Variants in GNG7 observed in about 807,000 individuals in gnomAD.
The protein encoded by GNG7 is G protein subunit gamma 7, also known as guanine nucleotide-binding protein G(I)/G(S)/G(O) subunit gamma-7.
Under a neutral mutation model 4.0 loss-of-function variants are expected in GNG7, and 1 was observed. That is an observed-to-expected ratio of 0.25 (90% CI 0.09 to 1.18). The LOEUF is 1.18. GNG7 is among the 50% of genes most tolerant of loss of function. The probability of loss-of-function intolerance (pLI) is 0.50; values close to 1 mark genes in which losing one functional copy is unlikely to be tolerated. For missense variants in GNG7, 86 were observed against 91.9 expected, an observed-to-expected ratio of 0.94 and a Z score of 0.26; for synonymous variants, 34 against 36.9, an observed-to-expected ratio of 0.92 and a Z score of 0.29.
intron 1 of GNG7, chr19:2,701,405 C>T (rs1475650287): frequency 6.6e-6 from 1 of 151,556 alleles, no homozygotes; most frequent in African/African-American, 2.4e-5. Context: ...ACTAACTCAC[C>T]CCAACTTCCT....
chr19:2,556,314 C>T (rs988005083), intron 2 of GNG7, among the ~76,000 whole-genome samples: 1 of 152,174 alleles, frequency 6.6e-6, no homozygotes, highest in African/African-American at 2.4e-5. Flanking sequence ...GCTTGCCCGG[C>T]GAGGTCAGCA....
intron 2 of GNG7, among the ~76,000 whole-genome samples, chr19:2,594,004 C>G (rs1467287109): frequency 6.7e-6 from 1 of 148,924 alleles, no homozygotes; most frequent in East Asian, 2.0e-4. Context: ...TACTTTAAAA[C>G]AAACATGAGG....
At chr19:2,575,574 G>GACACGCAGGC (rs1568249810) in intron 2 of GNG7, among the ~76,000 whole-genome samples, 4 of 73,364 alleles carry the variant, frequency 5.5e-5, no homozygotes. Flanking sequence ...GGCACACGCA[G>GACACGCAGGC]ACACGCAGGC....
At chr19:2,520,080 T>C (rs893646937) in intron 4 of GNG7, among the ~76,000 whole-genome samples, 6 of 151,264 alleles carry the variant, frequency 4.0e-5, no homozygotes, top group African/African-American at 9.7e-5. Flanking sequence ...ATTTGGGAGG[T>C]TGAGGCAGAA....
intron 3 of GNG7, among the ~76,000 whole-genome samples, chr19:2,553,946 A>G (rs1270141240): frequency 1.4e-5 from 2 of 141,002 alleles, no homozygotes; most frequent in Non-Finnish European, 3.0e-5. Flanking sequence ...GTAATATATT[A>G]TATGTAATAT....
At chr19:2,643,290 C>G (rs7246938) in intron 2 of GNG7, 7 of 429,946 alleles carry the variant, frequency 1.6e-5, no homozygotes, top group Non-Finnish European at 3.2e-5. Flanking sequence ...CCATGTGCAC[C>G]GGAAATGCAA....
chr19:2,626,630 G>C lies in GNG7; in HGVS notation c.-78+19594C>G, dbSNP rs534933255. On this transcript the variant is annotated intron_variant, in intron 2 of 4. Coordinates refer to ENST00000382159, the MANE Select transcript of GNG7 (RefSeq NM_052847.3). The surrounding 1 kb of genome is among the most constrained non-coding windows in gnomAD (Gnocchi z 5.0). ...CCCTGAATTCCCGAACAAAGCTCCT[G>C]GTGTGGGCACCTGCTTTCACTCTTG... Among the ~76,000 whole-genome samples, 1 of 152,244 alleles carries C rather than the reference G, an allele frequency of 6.6e-6. No homozygotes were observed. The highest frequency in any genetic ancestry group is 1.5e-5 in the Non-Finnish European group (1 of 68,018).
chr19:2,530,627 C>T (rs764757802), intron 3 of GNG7, among the ~76,000 whole-genome samples: 3 of 150,744 alleles, frequency 2.0e-5, no homozygotes, highest in South Asian at 2.1e-4. Flanking sequence ...GGCTGAGGTA[C>T]AACAATCACT....
At chr19:2,587,747 A>G (rs1164608402) in intron 2 of GNG7, among the ~76,000 whole-genome samples, 1 of 152,104 alleles carries the variant, frequency 6.6e-6, no homozygotes, top group Non-Finnish European at 1.5e-5. Flanking sequence ...AGGCTGAGGC[A>G]GGAGAATCAC....
chr19:2,682,948 C>T (rs1019047147), intron 1 of GNG7, among the ~76,000 whole-genome samples: 1 of 151,754 alleles, frequency 6.6e-6, no homozygotes, highest in Admixed American at 6.6e-5. Flanking sequence ...AATAAGGACT[C>T]CCGGCAGGAC....
At chr19:2,589,371 CTTTTTTTTT>C (rs33940288) in intron 2 of GNG7, among the ~76,000 whole-genome samples, 3 of 100,576 alleles carry the variant, frequency 3.0e-5, no homozygotes, top group South Asian at 3.5e-4. Flanking sequence ...TACAGGTGCA[CTTTTTTTTT>C]TTTTTTTTTT....
chr19:2,693,737 TGTCCC>T (rs1442350856), intron 1 of GNG7, among the ~76,000 whole-genome samples: 1 of 152,092 alleles, frequency 6.6e-6, no homozygotes, highest in Non-Finnish European at 1.5e-5. Context: ...CGTTGCTCAG[TGTCCC>T]CTGAAGGCCA....
intron 1 of GNG7, among the ~76,000 whole-genome samples, chr19:2,692,536 G>A (rs1913158924): frequency 6.6e-6 from 1 of 151,796 alleles, no homozygotes. Context: ...TCGGGAGGCT[G>A]AGGCAGGAGA....
rs534131609 is a variant in GNG7, at chr19:2,559,285, G to A, written c.-77-4097C>T. ...TACTCCTAGAGAACATTTTTGTAGG[G>A]GTAGTTTCCTTTGAGTTTCAGGAAA... On this transcript the variant is annotated intron_variant, in intron 2 of 4. Coordinates refer to ENST00000382159, the MANE Select transcript of GNG7 (RefSeq NM_052847.3). 4.0e-5 allele frequency among the ~76,000 whole-genome samples: 6 copies of A among 151,208 alleles called. No individual in the cohort carries two copies. The East Asian group carries it at 1.2e-3, about 29-fold the overall frequency.
At chr19:2,694,282 TA>T (rs1913195165) in intron 1 of GNG7, among the ~76,000 whole-genome samples, 1 of 151,928 alleles carries the variant, frequency 6.6e-6, no homozygotes, top group African/African-American at 2.4e-5. Context: ...CCATAGTTTT[TA>T]GGGGAAAAAA....
rs1981763796 is a variant in GNG7, at chr19:2,617,847, C to T, written c.-78+28377G>A. Among the ~76,000 whole-genome samples the T allele has an allele frequency of 2.0e-5, 3 of 151,828 alleles. No homozygotes were observed. Among genetic ancestry groups the T allele is most frequent in the Admixed American group, 1.3e-4 (2 of 15,234 alleles). ...GATCCTCCTACCTCAGCCTCCAGAG[C>T]AGCTGGAACTACAGGTGTGCACCAC... On this transcript the variant is annotated intron_variant, in intron 2 of 4. Coordinates refer to ENST00000382159, the MANE Select transcript of GNG7 (RefSeq NM_052847.3). The surrounding 1 kb of genome is among the most constrained non-coding windows in gnomAD (Gnocchi z 4.7).
chr19:2,650,991 G>A (rs1210224725), intron 1 of GNG7, among the ~76,000 whole-genome samples: 2 of 152,122 alleles, frequency 1.3e-5, no homozygotes, highest in Admixed American at 6.5e-5. Context: ...CAGGGCCCTG[G>A]GCACCTATGG....
At chr19:2,554,182 T>TA (rs994726275) in intron 3 of GNG7, among the ~76,000 whole-genome samples, 1 of 142,028 alleles carries the variant, frequency 7.0e-6, no homozygotes, top group Non-Finnish European at 1.5e-5. Flanking sequence ...AATATATATA[T>TA]TTTTTTCTTT....
In GNG7 at chr19:2,547,074, G is replaced by GCC. The variant is rs796758760; in HGVS notation, c.-38+8073_-38+8074dup. Among the ~76,000 whole-genome samples the GCC allele has an allele frequency of 6.3e-3, 905 of 142,832 alleles. 17 individuals carry two copies. Among genetic ancestry groups the GCC allele is most frequent in the African/African-American group, 0.022 (839 of 37,854 alleles). 93.7% of individuals were successfully genotyped at this position (142,832 alleles called of 152,430 possible). On this transcript the variant is annotated intron_variant, in intron 3 of 4. Transcript: ENST00000382159. ...CACAGGTGGGTCTTTCTCCACGCATGCCCCCCCCCCAGAAAACTCCTACAC... is the reference window on the plus strand; with the variant it reads ...CACAGGTGGGTCTTTCTCCACGCATGCCCCCCCCCCCCAGAAAACTCCTACAC...
Sources: allele counts gnomAD v4.1 joint callset (sites outside exome capture counted in the v4.1 genomes callset), GRCh38; gene constraint gnomAD v4.1.1; non-coding constraint Gnocchi (gnomAD v3.1); transcripts MANE v1.5; gene names NCBI Gene and HGNC (gene_info 2026-07-23, HGNC 2026-07-21).